The following CDNF variants were observed in gnomAD, a reference collection of about 807,000 sequenced individuals.
CDNF encodes cerebral dopamine neurotrophic factor.
A neutral mutation model predicts 14.8 loss-of-function variants in CDNF; 9 were observed. The ratio of observed to expected loss-of-function variants is 0.61; its 90% CI spans 0.37 to 1.06. CDNF has a LOEUF of 1.06. Ranked by LOEUF, CDNF falls within the 50% of genes least tolerant of loss-of-function variation. The probability of loss-of-function intolerance (pLI) is 0.01; values close to 1 mark genes in which losing one functional copy is unlikely to be tolerated. For synonymous variants in CDNF, 86 were observed against 87.2 expected, an observed-to-expected ratio of 0.99 and a Z score of 0.07; for missense variants, 228 against 228.4, an observed-to-expected ratio of 1.00 and a Z score of 0.01.
rs537245128 is a variant in CDNF, at chr10:14,827,920, G to C, written c.243+225C>G. ...AAAAGAAAAAAGAAAACATAGAATTGGTTATCTGTGGTGTACTCAGAAAGT... is the reference window on the plus strand; with the variant it reads ...AAAAGAAAAAAGAAAACATAGAATTCGTTATCTGTGGTGTACTCAGAAAGT... On this transcript the variant is annotated intron_variant, in intron 2 of 3. Coordinates refer to ENST00000465530, the MANE Select transcript of CDNF (RefSeq NM_001029954.3). Among the ~76,000 whole-genome samples the C allele has an allele frequency of 1.9e-4, 29 of 152,048 alleles. No homozygotes were observed. The South Asian group carries it at 5.2e-3, about 27-fold the overall frequency.
intron 1 of CDNF, among the ~76,000 whole-genome samples, chr10:14,833,932 T>C (rs1264336553): frequency 6.6e-6 from 1 of 152,182 alleles, no homozygotes; most frequent in Non-Finnish European, 1.5e-5. Context: ...ATCTGCTATA[T>C]TACACGTGGA....
chr10:14,820,668 G>A (rs960821641), intron 3 of CDNF, among the ~76,000 whole-genome samples: 2 of 152,100 alleles, frequency 1.3e-5, no homozygotes, highest in African/African-American at 2.4e-5. Flanking sequence ...GGGAGATGGA[G>A]GTTGCAGTGA....
intron 3 of CDNF, among the ~76,000 whole-genome samples, chr10:14,824,839 T>C (rs1443195844): frequency 6.6e-6 from 1 of 152,168 alleles, no homozygotes; most frequent in Non-Finnish European, 1.5e-5. Context: ...TTTTAATAGA[T>C]TACCAAGATC....
At chr10:14,824,605 C>CA (rs572648812) in intron 3 of CDNF, among the ~76,000 whole-genome samples, 3,991 of 64,250 alleles carry the variant, frequency 0.062, 232 homozygotes, top group African/African-American at 0.19. Context: ...GACTTCCCCT[C>CA]AAAAAAAAAA....
chr10:14,832,362 T>A (rs1342134022), intron 1 of CDNF, among the ~76,000 whole-genome samples: 1 of 152,124 alleles, frequency 6.6e-6, no homozygotes, highest in African/African-American at 2.4e-5. Flanking sequence ...GCAAATGAGA[T>A]CAAATAGGCA....
chr10:14,837,965 A>T lies in CDNF; in HGVS notation c.-19T>A. 6.4e-7 allele frequency: 1 copy of T among 1,556,918 alleles called. No homozygotes were observed. The highest frequency in any genetic ancestry group is 2.3e-5 in the East Asian group (1 of 42,750). ...ACCACATGCTGGGCCAGCAGCTTCA[A>T]TCGCCTCCGCCACCCGCGCCCACCG... is the stretch of plus-strand genomic sequence containing the variant. On this transcript the variant is annotated 5_prime_UTR_variant, in exon 1 of 4. The change creates a new upstream start codon in the 5' untranslated region. Transcript: ENST00000465530.
At chr10:14,837,305 C>G (rs1334249350) in intron 1 of CDNF, among the ~76,000 whole-genome samples, 1 of 152,206 alleles carries the variant, frequency 6.6e-6, no homozygotes, top group Non-Finnish European at 1.5e-5. Flanking sequence ...AAAGGAACCA[C>G]TCTTTTGTAT....
chr10:14,826,400 C>G (rs992927649), intron 2 of CDNF, among the ~76,000 whole-genome samples: 1 of 143,672 alleles, frequency 7.0e-6, no homozygotes, highest in Non-Finnish European at 1.5e-5. Flanking sequence ...GCAGAAGAAG[C>G]AGCAGCAGCA....
intron 1 of CDNF, among the ~76,000 whole-genome samples, chr10:14,837,004 T>C (rs947300524): frequency 6.6e-6 from 1 of 152,126 alleles, no homozygotes; most frequent in Non-Finnish European, 1.5e-5. Flanking sequence ...ACCCATCCAT[T>C]CACTCAACAT....
At chr10:14,830,448 CCCTAGGGGTT>C (rs1281866009) in intron 1 of CDNF, among the ~76,000 whole-genome samples, 1 of 152,204 alleles carries the variant, frequency 6.6e-6, no homozygotes, top group Non-Finnish European at 1.5e-5. Flanking sequence ...TGCCCTTCTT[CCCTAGGGGTT>C]CATGACTTTT....
intron 2 of CDNF, among the ~76,000 whole-genome samples, chr10:14,826,035 A>G (rs201887135): frequency 0.16 from 8,536 of 54,066 alleles, 486 homozygotes; most frequent in African/African-American, 0.26. Context: ...GAAGGAGAAG[A>G]AGAAGAAGAA....
intron 1 of CDNF, among the ~76,000 whole-genome samples, chr10:14,831,028 A>C (rs1396382839): frequency 6.6e-6 from 1 of 152,210 alleles, no homozygotes; most frequent in African/African-American, 2.4e-5. Flanking sequence ...TGAGTTATCA[A>C]GAAAGTTTTG....
At position 14,826,077 on chromosome 10, in the gene CDNF, AAGAAGAAGAAGAAGAAGAAGC is replaced by A. The variant is rs1270384563; in HGVS notation, c.244-478_244-458del. Among the ~76,000 whole-genome samples, 57 of 141,856 alleles carry A rather than the reference AAGAAGAAGAAGAAGAAGAAGC, an allele frequency of 4.0e-4. No individual in the cohort carries two copies. In the Middle Eastern group the frequency reaches 0.014, roughly 35 times the overall value. 93.1% of individuals were successfully genotyped at this position (141,856 alleles called of 152,430 possible). ...GAAGAAGAAGAAGAAGAAGAAGAAGAAGAAGAAGAAGAAGAAGAAGCAGCAGCAGCAGCAGCAGCAGCAGCA... is the reference window on the plus strand; with the variant it reads ...GAAGAAGAAGAAGAAGAAGAAGAAGAAGCAGCAGCAGCAGCAGCAGCAGCA... On this transcript the variant is annotated intron_variant, in intron 2 of 3. Transcript: ENST00000465530.
chr10:14,828,589 G>A (rs1162347403), intron 1 of CDNF, among the ~76,000 whole-genome samples: 1 of 152,074 alleles, frequency 6.6e-6, no homozygotes, highest in African/African-American at 2.4e-5. Flanking sequence ...GGAGATTGCA[G>A]TGAGCCGAGA....
At chr10:14,825,172 GT>G (rs1564312916) in intron 3 of CDNF, among the ~76,000 whole-genome samples, 2 of 158 alleles carry the variant, frequency 0.013, no homozygotes, top group East Asian at 0.25. Flanking sequence ...GGCCAGGCTG[GT>G]ACTTGAACTC....
chr10:14,826,178 G>C (rs1185901481), intron 2 of CDNF, among the ~76,000 whole-genome samples: 1 of 140,862 alleles, frequency 7.1e-6, no homozygotes, highest in Non-Finnish European at 1.5e-5. Flanking sequence ...AGAAGCAGCA[G>C]CAGAAGCAGA....
In CDNF at chr10:14,819,288, C is replaced by A. The variant is rs1364837304; in HGVS notation, c.*692G>T. 6.6e-5 allele frequency: 10 copies of A among 152,292 alleles called. No individual in the cohort carries two copies. Among genetic ancestry groups the A allele is most frequent in the African/African-American group, 2.4e-4 (10 of 41,562 alleles). The allele number at this position is 152,292 out of a possible 1,614,324, so 9.4% of individuals were successfully genotyped here. ...ATGAGTGTTTTTAATATGCTTTAATCTTCCATCAAAAACTTGTCTGATATG... is the reference window on the plus strand; with the variant it reads ...ATGAGTGTTTTTAATATGCTTTAATATTCCATCAAAAACTTGTCTGATATG... On this transcript the variant is annotated 3_prime_UTR_variant, in exon 4 of 4. Transcript: ENST00000465530.
chr10:14,820,294 T>C (rs1833727160), intron 3 of CDNF, 136 bp from the exon 4 acceptor site: 1 of 877,120 alleles, frequency 1.1e-6, no homozygotes, highest in South Asian at 1.8e-5. Context: ...GAATTCCAGT[T>C]TCCATGGAAA....
At chr10:14,832,663 G>A (rs1312775243) in intron 1 of CDNF, among the ~76,000 whole-genome samples, 1 of 152,094 alleles carries the variant, frequency 6.6e-6, no homozygotes, top group Non-Finnish European at 1.5e-5. Context: ...CTTGAAGGAA[G>A]AGCCAAAAGA....
Sources: allele counts gnomAD v4.1 joint callset (sites outside exome capture counted in the v4.1 genomes callset), GRCh38; gene constraint gnomAD v4.1.1; transcripts MANE v1.5; gene names NCBI Gene and HGNC (gene_info 2026-07-23, HGNC 2026-07-21).